Variants in COMMD1 observed in about 807,000 individuals in gnomAD.
COMMD1 encodes copper metabolism domain containing 1.
COMMD1 carries 10 observed loss-of-function variants against 17.2 expected under a neutral mutation model. The observed-to-expected ratio is 0.58, with a 90% CI of 0.36 to 0.99. COMMD1 has a LOEUF of 0.99. Ranked by LOEUF, COMMD1 falls within the 50% of genes least tolerant of loss-of-function variation. The pLI is 0.01. For missense variants in COMMD1, 270 were observed against 231.8 expected, an observed-to-expected ratio of 1.17 and a Z score of -1.07; for synonymous variants, 97 against 91.6, an observed-to-expected ratio of 1.06 and a Z score of -0.34.
At chr2:62,109,474 A>G (rs1007531640) in intron 2 of COMMD1, among the ~76,000 whole-genome samples, 3 of 152,212 alleles carry the variant, frequency 2.0e-5, no homozygotes, top group African/African-American at 7.2e-5. Context: ...CGTTTGTCCA[A>G]TGCTTTAAAT....
intron 2 of COMMD1, 72 bp downstream of exon 2, chr2:62,001,054 T>C: frequency 7.2e-7 from 1 of 1,392,446 alleles, no homozygotes; most frequent in Non-Finnish European, 1.0e-6. Context: ...TCTATTCAGC[T>C]TGATTTTATG....
At chr2:61,992,684 C>T (rs1355123086) in intron 1 of COMMD1, among the ~76,000 whole-genome samples, 1 of 152,178 alleles carries the variant, frequency 6.6e-6, no homozygotes, top group Non-Finnish European at 1.5e-5. Context: ...TTAATGCGAA[C>T]AGCACTCCCT....
At chr2:61,934,771 C>G (rs925975763) in intron 1 of COMMD1, among the ~76,000 whole-genome samples, 1 of 152,256 alleles carries the variant, frequency 6.6e-6, no homozygotes, top group Middle Eastern at 3.4e-3. Flanking sequence ...TCTCTCAACC[C>G]TCATTGGTTC....
At chr2:62,079,234 C>T (rs1056225514) in intron 2 of COMMD1, among the ~76,000 whole-genome samples, 3 of 152,132 alleles carry the variant, frequency 2.0e-5, no homozygotes, top group South Asian at 4.1e-4. Flanking sequence ...TACAGCTACT[C>T]CATAGACACA....
At chr2:61,995,642 C>T (rs975719549) in intron 1 of COMMD1, among the ~76,000 whole-genome samples, 5 of 152,030 alleles carry the variant, frequency 3.3e-5, no homozygotes, top group Non-Finnish European at 5.9e-5. Context: ...GTAGTGATAC[C>T]GAGTCTACTT....
At chr2:62,049,907 ATTG>A (rs59800946) in intron 2 of COMMD1, among the ~76,000 whole-genome samples, 12,667 of 152,168 alleles carry the variant, frequency 0.083, 1,282 homozygotes, top group African/African-American at 0.24. Flanking sequence ...TGATTAATAT[ATTG>A]TTATTATTAT....
At chr2:61,954,140 C>T (rs1300038444) in intron 1 of COMMD1, among the ~76,000 whole-genome samples, 1 of 151,962 alleles carries the variant, frequency 6.6e-6, no homozygotes, top group South Asian at 2.1e-4. Context: ...ACCCGGGAGG[C>T]AGAGGTTGCA....
intron 1 of COMMD1, among the ~76,000 whole-genome samples, chr2:61,921,226 T>C (rs1385903201): frequency 6.6e-6 from 1 of 152,074 alleles, no homozygotes; most frequent in Non-Finnish European, 1.5e-5. Context: ...CACCTTGGCT[T>C]CCCAAAATGC....
intron 2 of COMMD1, among the ~76,000 whole-genome samples, chr2:62,116,676 CAAAAAAAAAAAAAAAAA>C (rs70962759): frequency 1.1e-4 from 3 of 28,540 alleles, no homozygotes; most frequent in African/African-American, 4.5e-4. Context: ...TGTCTCATTA[CAAAAAAAAAAAAAAAAA>C]AAAAAAAAAA....
At chr2:62,094,318 G>T (rs1404835279) in intron 2 of COMMD1, among the ~76,000 whole-genome samples, 2 of 152,092 alleles carry the variant, frequency 1.3e-5, no homozygotes, top group African/African-American at 4.8e-5. Context: ...CACAGAGTTG[G>T]GGGCATAGAC....
intron 2 of COMMD1, among the ~76,000 whole-genome samples, chr2:62,056,865 T>G (rs1220830471): frequency 1.3e-5 from 2 of 152,198 alleles, no homozygotes; most frequent in African/African-American, 4.8e-5. Context: ...GCCTTGAAAG[T>G]ATGTTTGAGG....
chr2:61,937,378 G>C (rs1317078555), intron 1 of COMMD1, among the ~76,000 whole-genome samples: 1 of 152,196 alleles, frequency 6.6e-6, no homozygotes, highest in Non-Finnish European at 1.5e-5. Flanking sequence ...GGCAACATCA[G>C]TGGCCACCAG....
At chr2:62,045,730 ATTTTTT>A (rs71410917) in intron 2 of COMMD1, among the ~76,000 whole-genome samples, 187 of 84,904 alleles carry the variant, frequency 2.2e-3, no homozygotes, top group African/African-American at 3.0e-3. Context: ...TTTCAAGTTA[ATTTTTT>A]TTTTTTTTTT....
intron 2 of COMMD1, chr2:62,100,187 C>T (rs1049051338): frequency 6.6e-6 from 1 of 152,062 alleles, no homozygotes; most frequent in Non-Finnish European, 1.5e-5. Context: ...GGAGGACTTA[C>T]CAGTTTCACC....
chr2:61,944,491 A>G (rs1670854293), intron 1 of COMMD1, among the ~76,000 whole-genome samples: 1 of 151,970 alleles, frequency 6.6e-6, no homozygotes, highest in Non-Finnish European at 1.5e-5. Context: ...GTAAGAATGC[A>G]CCTCCGAACT....
intron 2 of COMMD1, among the ~76,000 whole-genome samples, chr2:62,102,653 T>A (rs1672218482): frequency 6.6e-6 from 1 of 152,160 alleles, no homozygotes; most frequent in South Asian, 2.1e-4. Flanking sequence ...CTAGAATCCC[T>A]CTTCCCCAAG....
chr2:62,098,643 G>A (rs1672084671), intron 2 of COMMD1, among the ~76,000 whole-genome samples: 1 of 152,166 alleles, frequency 6.6e-6, no homozygotes, highest in African/African-American at 2.4e-5. Context: ...TGATATAAAA[G>A]TCAGGCACAA....
intron 1 of COMMD1, among the ~76,000 whole-genome samples, chr2:61,891,327 A>C (rs1373130031): frequency 3.3e-5 from 5 of 152,242 alleles, no homozygotes; most frequent in African/African-American, 7.2e-5. Flanking sequence ...TTTCTGTGAA[A>C]TTGGAATTAT....
chr2:62,048,166 A>T (rs1183045101), intron 2 of COMMD1, among the ~76,000 whole-genome samples: 1 of 151,036 alleles, frequency 6.6e-6, no homozygotes, highest in African/African-American at 2.4e-5. Flanking sequence ...GTTGATGTGA[A>T]TGAGGAACTA....
Sources: allele counts gnomAD v4.1 joint callset (sites outside exome capture counted in the v4.1 genomes callset), GRCh38; gene constraint gnomAD v4.1.1; transcripts MANE v1.5; gene names NCBI Gene and HGNC (gene_info 2026-07-23, HGNC 2026-07-21).